Variants in ESCO2 observed in about 807,000 individuals in gnomAD.
ESCO2 encodes establishment of sister chromatid cohesion N-acetyltransferase 2.
Under a neutral mutation model 61.7 loss-of-function variants are expected in ESCO2, and 51 were observed. The observed-to-expected ratio is 0.83, with a 90% CI of 0.66 to 1.04. The LOEUF (loss-of-function observed/expected upper bound fraction) is 1.04, where lower values mean the gene tolerates loss of function less well. ESCO2 is among the 50% of genes least tolerant of loss of function. The pLI is 0.00. For synonymous variants in ESCO2, 230 were observed against 238.2 expected (o/e 0.97, Z 0.32); for missense variants, 692 against 686.2 (o/e 1.01, Z -0.09).
chr8:27,808,324 A>G (rs1805604240), downstream of ESCO2: 1 of 669,028 alleles, frequency 1.5e-6, no homozygotes, highest in Non-Finnish European at 2.1e-6. Context: ...TCTAAAGGGA[A>G]AGATTTCCTG....
At chr8:27,809,385 C>T (rs1223433432), downstream of ESCO2, among the ~76,000 whole-genome samples, 6 of 152,110 alleles carry the variant, frequency 3.9e-5, no homozygotes, top group Admixed American at 2.6e-4. Context: ...TTTCTGAGAA[C>T]GCCCTGTGTC....
chr8:27,772,636 G>A (rs1804675604), upstream of ESCO2: 9 of 1,223,318 alleles, frequency 7.4e-6, no homozygotes, highest in African/African-American at 1.5e-5. Context: ...CTGGCCCCCG[G>A]AACTCCTCCG....
intron 5 of ESCO2, among the ~76,000 whole-genome samples, chr8:27,785,746 A>G (rs1805026913): frequency 1.3e-5 from 2 of 152,120 alleles, no homozygotes; most frequent in South Asian, 4.2e-4. Flanking sequence ...AAATAATATG[A>G]TATTGCTCTT....
chr8:27,817,642 T>C, the ESCO2 span, among the ~76,000 whole-genome samples: 1 of 151,926 alleles, frequency 6.6e-6, no homozygotes, highest in East Asian at 1.9e-4. Flanking sequence ...ATAAAAAAAA[T>C]GCCTGTACTG....
chr8:27,779,209 G>A (rs1287235502), intron 3 of ESCO2: 2 of 152,276 alleles, frequency 1.3e-5, no homozygotes, highest in Admixed American at 6.5e-5. Context: ...CACCGCGCCT[G>A]GCCGGTGAAT....
downstream of ESCO2, among the ~76,000 whole-genome samples, chr8:27,813,716 G>A (rs1376115317): frequency 6.6e-6 from 1 of 152,098 alleles, no homozygotes; most frequent in Non-Finnish European, 1.5e-5. Context: ...CATTATGCAG[G>A]ATGAGTAAGT....
Position 27,792,787 on chromosome 8 carries a change from T to A in ESCO2, c.1473T>A (p.Cys491Ter). The A allele has an allele frequency of 6.2e-7, 1 of 1,606,090 alleles. No homozygotes were observed. The highest frequency in any genetic ancestry group is 8.5e-7 in the Non-Finnish European group (1 of 1,177,534). ...CTGATGAAAAGAGAGTAGTTGGGTGTTTAATTGCAGAACCCATCAAACAGG... is the reference window on the plus strand; with the variant it reads ...CTGATGAAAAGAGAGTAGTTGGGTGATTAATTGCAGAACCCATCAAACAGG... ...FISDEKRVVG[C>*]LIAEPIKQAF... The change falls in exon 9 of 11, where the codon TGT becomes TGA. Residue 491 changes from cysteine (C) to a stop codon, truncating the protein, a stop_gained. Coordinates refer to ENST00000305188, the MANE Select transcript of ESCO2 (RefSeq NM_001017420.3). LOFTEE classifies it high-confidence loss of function.
At chr8:27,789,259 T>G (rs890321117) in intron 7 of ESCO2, among the ~76,000 whole-genome samples, 1 of 152,196 alleles carries the variant, frequency 6.6e-6, no homozygotes, top group Non-Finnish European at 1.5e-5. Flanking sequence ...CCATGACTTC[T>G]CCAGGTTTTT....
At chr8:27,816,379 TTTAA>T (rs1563489369), downstream of ESCO2, among the ~76,000 whole-genome samples, 2 of 41,732 alleles carry the variant, frequency 4.8e-5, no homozygotes, top group Admixed American at 3.1e-4. Context: ...ATTTATTTAT[TTTAA>T]TTTATTTTTT....
At chr8:27,812,425 C>T (rs1805706597), downstream of ESCO2, 1 of 152,112 alleles carries the variant, frequency 6.6e-6, no homozygotes, top group Non-Finnish European at 1.5e-5. Context: ...GCAACGACTT[C>T]ATGATTAAAA....
chr8:27,799,259 T>C (rs1054387188), intron 9 of ESCO2, among the ~76,000 whole-genome samples: 3 of 152,150 alleles, frequency 2.0e-5, no homozygotes, highest in African/African-American at 4.8e-5. Flanking sequence ...TGAGAGAGTT[T>C]TATATACTTT....
chr8:27,810,455 T>G (rs763169761), downstream of ESCO2: 59 of 1,607,924 alleles, frequency 3.7e-5, no homozygotes, highest in South Asian at 6.2e-4. Flanking sequence ...TTCCCAACGC[T>G]GCATAGTATG....
At position 27,798,599 on chromosome 8, in the gene ESCO2, G is replaced by A. The variant is rs190442245; in HGVS notation, c.1498-942G>A. 5.1e-4 allele frequency among the ~76,000 whole-genome samples: 77 copies of A among 152,274 alleles called. 1 individual carries two copies. The East Asian group carries it at 0.014, about 28-fold the overall frequency. ...GTTAATAGCAGCTTTATTAGTAATA[G>A]CCAAAACCTGGTAACAACCAAAGTG... is the stretch of plus-strand genomic sequence containing the variant. On this transcript the variant is annotated intron_variant, in intron 9 of 10. Transcript: ENST00000305188.
the ESCO2 span, among the ~76,000 whole-genome samples, chr8:27,819,308 T>G: frequency 7.1e-6 from 1 of 140,410 alleles, no homozygotes; most frequent in South Asian, 2.3e-4. Context: ...GTCATTTTTT[T>G]CAATTTCAGT....
chr8:27,782,183 T>G (rs998987756), intron 4 of ESCO2, among the ~76,000 whole-genome samples: 12 of 152,038 alleles, frequency 7.9e-5, no homozygotes, highest in African/African-American at 2.9e-4. Context: ...ATCCATCTAC[T>G]TATTTGTTCT....
At chr8:27,798,476 C>T (rs1032235450) in intron 9 of ESCO2, among the ~76,000 whole-genome samples, 13 of 146,654 alleles carry the variant, frequency 8.9e-5, no homozygotes, top group Admixed American at 6.1e-4. Context: ...AAAAAAAAAA[C>T]TAAACATGTA....
chr8:27,815,124 A>G (rs1415953513), downstream of ESCO2, among the ~76,000 whole-genome samples: 1 of 152,218 alleles, frequency 6.6e-6, no homozygotes, highest in Non-Finnish European at 1.5e-5. Context: ...ACTGAAGGAA[A>G]GTTCTGCCCT....
At chr8:27,780,993 TAACA>T (rs1354892156) in intron 4 of ESCO2, among the ~76,000 whole-genome samples, 12 of 152,134 alleles carry the variant, frequency 7.9e-5, no homozygotes, top group Non-Finnish European at 7.4e-5. Context: ...ATAGAAAATA[TAACA>T]AAAAGGCATC....
intron 3 of ESCO2, chr8:27,777,720 G>A (rs1247548651): frequency 6.6e-6 from 1 of 152,338 alleles, no homozygotes; most frequent in Non-Finnish European, 1.5e-5. Context: ...AAAAAGTTGA[G>A]TTTTGTGGGG....
Sources: gnomAD v4.1 joint callset for allele counts (sites outside exome capture counted in the v4.1 genomes callset) on GRCh38, gnomAD v4.1.1 for gene constraint, MANE v1.5 for transcripts, NCBI Gene and HGNC (gene_info 2026-07-23, HGNC 2026-07-21) for gene names.